The following MCOLN2 variants were observed in gnomAD, a reference collection of about 807,000 sequenced individuals.
The protein encoded by MCOLN2 is mucolipin-2.
Under a neutral mutation model 67.5 loss-of-function variants are expected in MCOLN2, and 57 were observed. The ratio of observed to expected loss-of-function variants is 0.84; its 90% CI spans 0.68 to 1.05. The LOEUF is 1.05. Ranked by LOEUF, MCOLN2 falls within the 50% of genes least tolerant of loss-of-function variation. MCOLN2 has a pLI of 0.00. For missense variants in MCOLN2, 620 were observed against 678.8 expected (o/e 0.91, Z 0.96); for synonymous variants, 246 against 233.3 (o/e 1.05, Z -0.50).
intron 1 of MCOLN2, among the ~76,000 whole-genome samples, chr1:84,995,728 C>G (rs529924769): frequency 6.6e-6 from 1 of 152,024 alleles, no homozygotes; most frequent in Admixed American, 6.6e-5. Flanking sequence ...GTATTTCGTG[C>G]CCCTTTGCTC....
intron 1 of MCOLN2, among the ~76,000 whole-genome samples, chr1:84,981,910 A>G (rs4907117): frequency 0.19 from 29,354 of 152,164 alleles, 3,250 homozygotes; most frequent in South Asian, 0.27. Flanking sequence ...GTATCAAAAC[A>G]TCTGATGTAT....
intron 11 of MCOLN2, 101 bp from the exon 12 acceptor site, chr1:84,931,669 T>C (rs1647200997): frequency 2.2e-6 from 2 of 928,940 alleles, no homozygotes; most frequent in Admixed American, 4.5e-5. Flanking sequence ...GTCATTGTAG[T>C]AGTGGTAACT....
chr1:84,936,604 A>G (rs1026808411), intron 11 of MCOLN2, among the ~76,000 whole-genome samples: 1 of 152,226 alleles, frequency 6.6e-6, no homozygotes, highest in African/African-American at 2.4e-5. Context: ...CTACCAACCC[A>G]GAGGTTGTCA....
intron 3 of MCOLN2, among the ~76,000 whole-genome samples, chr1:84,957,818 A>G (rs993422910): frequency 6.6e-6 from 1 of 152,232 alleles, no homozygotes; most frequent in Non-Finnish European, 1.5e-5. Flanking sequence ...CTATAAAGGA[A>G]GGCGCTTTGT....
intron 1 of MCOLN2, among the ~76,000 whole-genome samples, chr1:84,966,069 A>G (rs1571007191): frequency 1.3e-5 from 2 of 152,144 alleles, no homozygotes; most frequent in African/African-American, 4.8e-5. Flanking sequence ...ACTGACCAAC[A>G]TGGTGAAACC....
chr1:84,964,598 TACC>T (rs1178461464), intron 2 of MCOLN2, among the ~76,000 whole-genome samples: 5 of 152,060 alleles, frequency 3.3e-5, no homozygotes, highest in East Asian at 1.9e-4. Context: ...TTTCTATTAT[TACC>T]ACATTATAAT....
At chr1:84,956,634 G>T (rs1460396802) in intron 3 of MCOLN2, 50 bp from the exon 4 acceptor site, 3 of 1,458,582 alleles carry the variant, frequency 2.1e-6, no homozygotes, top group South Asian at 2.7e-5. Flanking sequence ...TTATAACTTT[G>T]ATCAGAGGTT....
intron 12 of MCOLN2, chr1:84,929,988 T>A: frequency 9.8e-6 from 2 of 203,572 alleles, no homozygotes; most frequent in Admixed American, 1.1e-4. Flanking sequence ...CTAGTCTGGG[T>A]ATGATGGCTC....
chr1:84,978,980 A>C (rs1490966884), intron 1 of MCOLN2, among the ~76,000 whole-genome samples: 1 of 152,206 alleles, frequency 6.6e-6, no homozygotes, highest in Admixed American at 6.5e-5. Context: ...GCAAGCATCC[A>C]GCATGGGAGA....
At chr1:84,964,532 G>GC (rs1264026173) in intron 2 of MCOLN2, among the ~76,000 whole-genome samples, 2 of 147,576 alleles carry the variant, frequency 1.4e-5, no homozygotes, top group African/African-American at 4.9e-5. Flanking sequence ...GGAGTGGGGG[G>GC]GGGTGGGTAA....
At chr1:84,956,172 A>G (rs1360981349) in intron 4 of MCOLN2, among the ~76,000 whole-genome samples, 1 of 152,092 alleles carries the variant, frequency 6.6e-6, no homozygotes, top group African/African-American at 2.4e-5. Context: ...AACAAAAAAC[A>G]GGACCTGTGA....
At chr1:84,980,145 A>G (rs1650184493) in intron 1 of MCOLN2, among the ~76,000 whole-genome samples, 1 of 152,186 alleles carries the variant, frequency 6.6e-6, no homozygotes, top group Non-Finnish European at 1.5e-5. Context: ...TGAAAACTGT[A>G]AAACACTGAT....
At chr1:84,988,741 T>C (rs1173723258) in intron 1 of MCOLN2, among the ~76,000 whole-genome samples, 1 of 152,166 alleles carries the variant, frequency 6.6e-6, no homozygotes, top group Non-Finnish European at 1.5e-5. Flanking sequence ...GAAAACCCTT[T>C]AGGGGCTTTC....
At chr1:84,928,962 T>A (rs1218986000) in intron 13 of MCOLN2, among the ~76,000 whole-genome samples, 1 of 152,014 alleles carries the variant, frequency 6.6e-6, no homozygotes, top group Non-Finnish European at 1.5e-5. Flanking sequence ...CATAGGCACA[T>A]TAAAAAAAAA....
At chr1:84,983,200 C>G (rs1650344406) in intron 1 of MCOLN2, among the ~76,000 whole-genome samples, 1 of 152,174 alleles carries the variant, frequency 6.6e-6, no homozygotes, top group Non-Finnish European at 1.5e-5. Flanking sequence ...ACAATCTGGT[C>G]TCACCTAACT....
chr1:84,993,757 A>T (rs1651012617), intron 1 of MCOLN2, among the ~76,000 whole-genome samples: 1 of 151,010 alleles, frequency 6.6e-6, no homozygotes, highest in Non-Finnish European at 1.5e-5. Flanking sequence ...CAGCCTCCCG[A>T]GTAGCTGGGA....
intron 7 of MCOLN2, among the ~76,000 whole-genome samples, chr1:84,941,591 G>T (rs1325421924): frequency 1.3e-5 from 2 of 152,176 alleles, no homozygotes; most frequent in Non-Finnish European, 2.9e-5. Context: ...CTGTAGAATA[G>T]AATTCAACAG....
chr1:84,979,343 C>T (rs779204427), intron 1 of MCOLN2, among the ~76,000 whole-genome samples: 7 of 152,028 alleles, frequency 4.6e-5, no homozygotes, highest in Non-Finnish European at 8.8e-5. Flanking sequence ...CCAGTATTAC[C>T]CTGATATCAA....
chr1:84,935,642 T>C (rs1263742883), intron 11 of MCOLN2, among the ~76,000 whole-genome samples: 1 of 152,240 alleles, frequency 6.6e-6, no homozygotes, highest in Admixed American at 6.5e-5. Flanking sequence ...AAATATATAA[T>C]TAAAAATAAT....
Sources: gnomAD v4.1 joint callset for allele counts (sites outside exome capture counted in the v4.1 genomes callset) on GRCh38, gnomAD v4.1.1 for gene constraint, MANE v1.5 for transcripts, NCBI Gene and HGNC (gene_info 2026-07-23, HGNC 2026-07-21) for gene names.